Variants in RBFOX1 observed in about 807,000 individuals in gnomAD.
The protein encoded by RBFOX1 is RNA binding protein fox-1 homolog 1.
RBFOX1 carries 8 observed loss-of-function variants against 57.7 expected under a neutral mutation model. That is an observed-to-expected ratio of 0.14 (90% CI 0.08 to 0.25). RBFOX1 has a LOEUF of 0.25. Among genes scored for constraint, RBFOX1 ranks in the 10% least tolerant of loss-of-function variants. The pLI is 1.00. For missense variants in RBFOX1, 611 were observed against 548.5 expected, an observed-to-expected ratio of 1.11 and a Z score of -1.14; for synonymous variants, 326 against 222.4, an observed-to-expected ratio of 1.47 and a Z score of -4.15.
At chr16:7,653,979 C>T (rs754472101) in intron 12 of RBFOX1, 32 bp downstream of exon 12, 12 of 1,460,548 alleles carry the variant, frequency 8.2e-6, no homozygotes, top group Admixed American at 5.1e-5. Context: ...GTGGGCCTCC[C>T]TGCACCAGCC....
At chr16:6,592,694 G>A (rs190028454) in intron 2 of RBFOX1, among the ~76,000 whole-genome samples, 221 of 152,296 alleles carry the variant, frequency 1.5e-3, no homozygotes, top group South Asian at 7.3e-3. Context: ...AGTCCCCTGA[G>A]AAATGTCGTG....
At chr16:7,456,044 G>C in intron 4 of RBFOX1, among the ~76,000 whole-genome samples, 1 of 152,164 alleles carries the variant, frequency 6.6e-6, no homozygotes, top group Non-Finnish European at 1.5e-5. Flanking sequence ...CCCAGGCTTT[G>C]AAGAGCCCCG....
chr16:6,195,419 G>A (rs926677196), intron 1 of RBFOX1, among the ~76,000 whole-genome samples: 7 of 152,156 alleles, frequency 4.6e-5, no homozygotes, highest in South Asian at 4.2e-4. Context: ...GTAGATGCTC[G>A]TTAGGTTTGT....
chr16:6,488,887 C>G lies in RBFOX1; in HGVS notation c.-63-165716C>G, dbSNP rs750283844. 5.3e-5 allele frequency among the ~76,000 whole-genome samples: 8 copies of G among 152,160 alleles called. No individual in the cohort carries two copies. The East Asian group carries it at 7.7e-4, about 15-fold the overall frequency. ...TACCCTAGGTAATATCAGTGATAGTCTAATATAAACATGGTCTGATTTTTC... is the reference window on the plus strand; with the variant it reads ...TACCCTAGGTAATATCAGTGATAGTGTAATATAAACATGGTCTGATTTTTC... On this transcript the variant is annotated intron_variant, in intron 2 of 15. Transcript: ENST00000550418.
chr16:5,448,539 G>A (rs2068322834), intron 1 of RBFOX1, among the ~76,000 whole-genome samples: 2 of 152,130 alleles, frequency 1.3e-5, no homozygotes, highest in African/African-American at 4.8e-5. Context: ...TGTGTTTTCT[G>A]GGTCTCCTCT....
intron 4 of RBFOX1, among the ~76,000 whole-genome samples, chr16:7,376,989 G>C (rs1266802743): frequency 2.6e-5 from 4 of 152,156 alleles, no homozygotes; most frequent in Non-Finnish European, 4.4e-5. Flanking sequence ...GTGTCAGGTG[G>C]TTGCTTGGAA....
At chr16:7,193,582 A>C (rs1009394056) in intron 4 of RBFOX1, among the ~76,000 whole-genome samples, 3 of 152,200 alleles carry the variant, frequency 2.0e-5, no homozygotes, top group Non-Finnish European at 2.9e-5. Context: ...TTTTACATGC[A>C]TTACCGTCCT....
intron 1 of RBFOX1, among the ~76,000 whole-genome samples, chr16:5,372,790 T>C (rs2065891681): frequency 6.6e-6 from 1 of 152,234 alleles, no homozygotes; most frequent in Non-Finnish European, 1.5e-5. Context: ...AATGAGAACA[T>C]TGTTCATGCT....
chr16:6,005,555 T>C (rs967717836), intron 4 of RBFOX1, among the ~76,000 whole-genome samples: 2 of 152,178 alleles, frequency 1.3e-5, no homozygotes, highest in Non-Finnish European at 2.9e-5. Context: ...CTGAGCTGGG[T>C]CATTCTTTGT....
chr16:5,610,710 A>T (rs1274308415), intron 3 of RBFOX1: 1 of 152,022 alleles, frequency 6.6e-6, no homozygotes, highest in East Asian at 1.9e-4. Flanking sequence ...AATTATTTTA[A>T]AATTAAAAAT....
chr16:6,092,358 T>A (rs938591925), intron 1 of RBFOX1: 28 of 152,202 alleles, frequency 1.8e-4, no homozygotes, highest in African/African-American at 6.8e-4. Context: ...GGAGTAAGGC[T>A]GGGATGAATC....
At chr16:5,587,073 G>A (rs1421966206) in intron 2 of RBFOX1, among the ~76,000 whole-genome samples, 3 of 152,158 alleles carry the variant, frequency 2.0e-5, no homozygotes, top group African/African-American at 7.2e-5. Context: ...AGAAAGCTCT[G>A]AAAATGGACA....
intron 3 of RBFOX1, among the ~76,000 whole-genome samples, chr16:5,619,317 G>T (rs1284356182): frequency 6.6e-6 from 1 of 152,102 alleles, no homozygotes; most frequent in Admixed American, 6.5e-5. Flanking sequence ...GGAACGGAGG[G>T]CCTGAGTTCC....
chr16:6,333,482 C>T (rs2083284036), intron 2 of RBFOX1, among the ~76,000 whole-genome samples: 1 of 152,128 alleles, frequency 6.6e-6, no homozygotes, highest in African/African-American at 2.4e-5. Flanking sequence ...TCAAATCTCC[C>T]TTTGTCATCA....
At chr16:5,712,019 A>C (rs1455360197) in intron 3 of RBFOX1, among the ~76,000 whole-genome samples, 1 of 152,202 alleles carries the variant, frequency 6.6e-6, no homozygotes, top group Non-Finnish European at 1.5e-5. Flanking sequence ...AGGCCTCAGG[A>C]AACTTACAAT....
chr16:6,922,536 C>T lies in RBFOX1; in HGVS notation c.-15-129521C>T, dbSNP rs3935052. 4.0e-3 allele frequency among the ~76,000 whole-genome samples: 616 copies of T among 152,198 alleles called. 4 individuals are homozygous for T. Among genetic ancestry groups the T allele is most frequent in the African/African-American group, 0.014 (579 of 41,520 alleles). ...ACATTTAAAATCTTTTATTTTCCTG[C>T]GTCTGTGTTTTCATTTCCAGGAGAC... On this transcript the variant is annotated intron_variant, in intron 3 of 15. Coordinates refer to ENST00000550418, the MANE Select transcript of RBFOX1 (RefSeq NM_018723.4).
intron 4 of RBFOX1, among the ~76,000 whole-genome samples, chr16:7,156,318 A>G (rs925635591): frequency 2.0e-5 from 3 of 151,994 alleles, no homozygotes; most frequent in African/African-American, 7.3e-5. Context: ...ATACATATAT[A>G]GACTTGCAGC....
At chr16:5,383,436 G>GGTCT (rs1219806811) in intron 1 of RBFOX1, among the ~76,000 whole-genome samples, 2 of 152,154 alleles carry the variant, frequency 1.3e-5, no homozygotes, top group African/African-American at 2.4e-5. Context: ...ACTACATTTG[G>GGTCT]GTCTGTTAGG....
chr16:7,319,627 A>G (rs2096508133), intron 4 of RBFOX1, among the ~76,000 whole-genome samples: 1 of 152,182 alleles, frequency 6.6e-6, no homozygotes, highest in Admixed American at 6.5e-5. Flanking sequence ...AGATTTCAGC[A>G]TCGAGGCGAG....
Sources: gnomAD v4.1 joint callset for allele counts (sites outside exome capture counted in the v4.1 genomes callset) on GRCh38, gnomAD v4.1.1 for gene constraint, MANE v1.5 for transcripts, NCBI Gene and HGNC (gene_info 2026-07-23, HGNC 2026-07-21) for gene names.